Variants in HMCN1 observed in about 807,000 individuals in gnomAD.
HMCN1 encodes hemicentin 1.
A neutral mutation model predicts 625.9 loss-of-function variants in HMCN1; 321 were observed. The ratio of observed to expected loss-of-function variants is 0.51; its 90% CI spans 0.47 to 0.56. The LOEUF is 0.56. HMCN1 is among the 20% of genes least tolerant of loss of function. The pLI is 0.00. For synonymous variants in HMCN1, 2,425 were observed against 2,417.6 expected (o/e 1.00, Z -0.09); for missense variants, 6,588 against 6,887.3 (o/e 0.96, Z 1.54).
chr1:186,045,906 G>A (rs778684656), intron 41 of HMCN1, 43 bp downstream of exon 41: 2 of 1,446,514 alleles, frequency 1.4e-6, no homozygotes, highest in Admixed American at 1.7e-5. Flanking sequence ...GTTATTAGAA[G>A]TTCATGGTTT....
At chr1:186,119,135 T>C in intron 77 of HMCN1, 56 bp from the exon 78 acceptor site, 1 of 1,280,824 alleles carries the variant, frequency 7.8e-7, no homozygotes, top group East Asian at 2.3e-5. Flanking sequence ...TCAAATTTTA[T>C]TGAACTAAAA....
At chr1:185,962,189 C>A (rs1380554053) in intron 11 of HMCN1, among the ~76,000 whole-genome samples, 1 of 152,074 alleles carries the variant, frequency 6.6e-6, no homozygotes, top group Non-Finnish European at 1.5e-5. Context: ...AGAGACTTTG[C>A]CTGGGAACAG....
intron 25 of HMCN1, among the ~76,000 whole-genome samples, chr1:185,997,892 C>A (rs1205353029): frequency 1.3e-5 from 2 of 151,616 alleles, no homozygotes; most frequent in Non-Finnish European, 1.5e-5. Context: ...CTCAACCAGG[C>A]AGAGGTATAA....
chr1:186,148,263 T>G (rs1323452636), intron 93 of HMCN1, among the ~76,000 whole-genome samples: 1 of 152,212 alleles, frequency 6.6e-6, no homozygotes, highest in Non-Finnish European at 1.5e-5. Context: ...GATATACTTC[T>G]AATTCTCTTG....
At chr1:185,802,641 C>A (rs1402580904) in intron 1 of HMCN1, among the ~76,000 whole-genome samples, 11 of 152,050 alleles carry the variant, frequency 7.2e-5, no homozygotes, top group Non-Finnish European at 1.3e-4. Context: ...AGAGTGGTAC[C>A]AAATGCTGTT....
intron 1 of HMCN1, among the ~76,000 whole-genome samples, chr1:185,799,802 T>C (rs189227303): frequency 1.3e-5 from 2 of 152,262 alleles, no homozygotes; most frequent in Admixed American, 1.3e-4. Context: ...ACAGCTGTGG[T>C]AGTGCAATGG....
In HMCN1 at chr1:185,922,364, A is replaced by G. The variant is rs368039194; in HGVS notation, c.901-15A>G. 2 of 1,613,008 alleles carry G rather than the reference A, an allele frequency of 1.2e-6. No individual in the cohort carries two copies. Among genetic ancestry groups the G allele is most frequent in the African/African-American group, 2.7e-5 (2 of 74,830 alleles). On this transcript the variant is annotated splice_polypyrimidine_tract_variant and intron_variant, in intron 6 of 106. Transcript: ENST00000271588. ...GGATCAACTGCTGACCAGGTTTGTC[A>G]TTAAACATTTTCAGACCTCAAGCAG... is the stretch of plus-strand genomic sequence containing the variant.
intron 1 of HMCN1, among the ~76,000 whole-genome samples, chr1:185,739,042 T>C (rs575942810): frequency 2.0e-5 from 3 of 152,186 alleles, no homozygotes; most frequent in Non-Finnish European, 4.4e-5. Flanking sequence ...CTCAAGTAAG[T>C]TCCAGTGTCT....
At chr1:186,055,922 T>G (rs1269683442) in intron 45 of HMCN1, among the ~76,000 whole-genome samples, 1 of 151,986 alleles carries the variant, frequency 6.6e-6, no homozygotes, top group Non-Finnish European at 1.5e-5. Flanking sequence ...AGAAAATTGT[T>G]GTCTTCAAAT....
chr1:185,844,067 T>G (rs1488631107), intron 1 of HMCN1, among the ~76,000 whole-genome samples: 1 of 152,200 alleles, frequency 6.6e-6, no homozygotes, highest in Non-Finnish European at 1.5e-5. Flanking sequence ...AATTCTTGGA[T>G]TATTTCAGTA....
Position 185,962,583 on chromosome 1 carries a change from A to G in HMCN1, c.1894A>G (p.Met632Val). The change falls in exon 12 of 107, where the codon ATG becomes GTG. Residue 632 changes from methionine (M) to valine (V), a missense_variant. Met to Val is a conservative substitution (Grantham distance 21). Coordinates refer to ENST00000271588, the MANE Select transcript of HMCN1 (RefSeq NM_031935.3). ...SFTGGSEVSI[M>V]CSATGYPKPK... is the part of the protein sequence containing the mutation. ...CACAGGAGGGTCTGAGGTCTCCATCATGTGTTCTGCAACAGGTTATCCCAA... is the reference window on the plus strand; with the variant it reads ...CACAGGAGGGTCTGAGGTCTCCATCGTGTGTTCTGCAACAGGTTATCCCAA... The G allele has an allele frequency of 6.2e-7, 1 of 1,605,002 alleles. No individual in the cohort carries two copies. Among genetic ancestry groups the G allele is most frequent in the South Asian group, 1.1e-5 (1 of 90,900 alleles).
intron 1 of HMCN1, among the ~76,000 whole-genome samples, chr1:185,803,170 T>C (rs1381887792): frequency 3.1e-4 from 14 of 45,568 alleles, no homozygotes; most frequent in Non-Finnish European, 7.2e-4. Flanking sequence ...TAAATGCCTC[T>C]ACTAAAATTA....
In HMCN1 at chr1:186,179,728, A is replaced by G. The variant is rs141510508; in HGVS notation, c.16294+962A>G. On this transcript the variant is annotated intron_variant, in intron 104 of 106. Coordinates refer to ENST00000271588, the MANE Select transcript of HMCN1 (RefSeq NM_031935.3). ...CTCTCTTAACTATGCTTTTTGCTAA[A>G]CATTTTTTAAACATTTCTTCTCCTT... Among the ~76,000 whole-genome samples, 377 of 152,104 alleles carry G rather than the reference A, an allele frequency of 2.5e-3. 1 individual carries two copies. Among genetic ancestry groups the G allele is most frequent in the African/African-American group, 8.8e-3 (363 of 41,472 alleles).
rs377673724 is a variant in HMCN1, at chr1:186,053,330, C to T, written c.6700+256C>T. Among the ~76,000 whole-genome samples, 265 of 151,982 alleles carry T rather than the reference C, an allele frequency of 1.7e-3. 2 individuals carry two copies. Among genetic ancestry groups the T allele is most frequent in the African/African-American group, 6.2e-3 (257 of 41,488 alleles). ...CTGCATTAATTGATTATTTTTTACT[C>T]AAATACATTATAGGGCAGCTATAAA... is the stretch of plus-strand genomic sequence containing the variant. On this transcript the variant is annotated intron_variant, in intron 43 of 106. Transcript: ENST00000271588.
At chr1:185,896,121 A>G (rs1283077092) in intron 4 of HMCN1, among the ~76,000 whole-genome samples, 1 of 151,926 alleles carries the variant, frequency 6.6e-6, no homozygotes, top group African/African-American at 2.4e-5. Context: ...TATTTTTAGT[A>G]GAGACAGGGT....
At chr1:185,932,684 A>G (rs1323657469) in intron 10 of HMCN1, among the ~76,000 whole-genome samples, 2 of 151,900 alleles carry the variant, frequency 1.3e-5, no homozygotes, top group Non-Finnish European at 2.9e-5. Flanking sequence ...ACACGTGGAC[A>G]TAGGGAGGGG....
chr1:185,934,349 TAC>T (rs1039662154), intron 11 of HMCN1, among the ~76,000 whole-genome samples: 2 of 152,106 alleles, frequency 1.3e-5, no homozygotes, highest in African/African-American at 2.4e-5. Flanking sequence ...TTATTTGTCT[TAC>T]ACACACACAT....
chr1:186,004,610 CA>C (rs940168832), intron 29 of HMCN1, among the ~76,000 whole-genome samples: 66 of 151,752 alleles, frequency 4.3e-4, no homozygotes, highest in African/African-American at 1.2e-3. Flanking sequence ...CTCATATAGG[CA>C]AAAAAGCAAA....
chr1:186,157,522 CATGTGCACA>C (rs1293510062), intron 97 of HMCN1, among the ~76,000 whole-genome samples: 1 of 151,956 alleles, frequency 6.6e-6, no homozygotes, highest in Non-Finnish European at 1.5e-5. Context: ...TTTTAGGGTA[CATGTGCACA>C]ATGTGCAGGT....
Sources: gnomAD v4.1 joint callset for allele counts (sites outside exome capture counted in the v4.1 genomes callset) on GRCh38, gnomAD v4.1.1 for gene constraint, MANE v1.5 for transcripts, NCBI Gene and HGNC (gene_info 2026-07-23, HGNC 2026-07-21) for gene names.